Variants in BCAT1 observed in about 807,000 individuals in gnomAD.
BCAT1 encodes the protein branched chain amino acid transaminase 1, also known as branched-chain-amino-acid aminotransferase, cytosolic.
In BCAT1, 48 loss-of-function variants were observed where a neutral mutation model predicts 52.4. The observed-to-expected ratio is 0.92, with a 90% confidence interval of 0.73 to 1.16. The LOEUF is 1.16. Among genes scored for constraint, BCAT1 ranks in the 50% most tolerant of loss-of-function variants. The pLI is 0.00. For missense variants in BCAT1, 451 were observed against 457.1 expected, an observed-to-expected ratio of 0.99 and a Z score of 0.12; for synonymous variants, 167 against 161.3, an observed-to-expected ratio of 1.04 and a Z score of -0.27.
chr12:24,935,990 T>A (rs1471323870), intron 1 of BCAT1, among the ~76,000 whole-genome samples: 1 of 152,212 alleles, frequency 6.6e-6, no homozygotes, highest in Non-Finnish European at 1.5e-5. Context: ...CACTTCCAAG[T>A]CCTCACCAGC....
intron 4 of BCAT1, among the ~76,000 whole-genome samples, chr12:24,879,457 CAT>C (rs1373346054): frequency 6.6e-6 from 1 of 152,110 alleles, no homozygotes; most frequent in Non-Finnish European, 1.5e-5. Flanking sequence ...AGTAGAGAAA[CAT>C]ACTTTCAGAG....
At chr12:24,943,719 T>G (rs1469070281) in intron 1 of BCAT1, among the ~76,000 whole-genome samples, 2 of 152,016 alleles carry the variant, frequency 1.3e-5, no homozygotes, top group Non-Finnish European at 2.9e-5. Context: ...GAGCGGTGGC[T>G]CACGCCTGTA....
At chr12:24,941,999 C>G (rs549382290) in intron 1 of BCAT1, among the ~76,000 whole-genome samples, 6 of 152,276 alleles carry the variant, frequency 3.9e-5, no homozygotes, top group Admixed American at 3.3e-4. Flanking sequence ...AGATTTTAAA[C>G]GGTCTCATGC....
intron 1 of BCAT1, among the ~76,000 whole-genome samples, chr12:24,937,196 C>T (rs553752581): frequency 4.6e-5 from 7 of 152,272 alleles, no homozygotes; most frequent in Non-Finnish European, 5.9e-5. Context: ...ACATGGGAGT[C>T]CCAAGGGTCT....
At chr12:24,899,251 G>A (rs1293265163) in intron 2 of BCAT1, among the ~76,000 whole-genome samples, 1 of 152,036 alleles carries the variant, frequency 6.6e-6, no homozygotes, top group East Asian at 1.9e-4. Context: ...GAAGAAATAC[G>A]AAAACTACCC....
At chr12:24,827,573 CT>C (rs1450185484) in intron 10 of BCAT1, among the ~76,000 whole-genome samples, 3 of 152,196 alleles carry the variant, frequency 2.0e-5, no homozygotes, top group African/African-American at 7.2e-5. Flanking sequence ...GGGCAAATCA[CT>C]TGAGGCTAGG....
intron 8 of BCAT1, chr12:24,834,421 G>A (rs1270650278): frequency 3.0e-6 from 3 of 984,774 alleles, no homozygotes; most frequent in Non-Finnish European, 3.6e-6. Context: ...ATCCTTTTAA[G>A]CTATGTGTTT....
rs1031822656 is a variant in BCAT1, at chr12:24,825,988, G to A, written c.1119+3835C>T. 3.9e-5 allele frequency among the ~76,000 whole-genome samples: 6 copies of A among 152,140 alleles called. No individual in the cohort carries two copies. The South Asian group carries it at 8.3e-4, about 21-fold the overall frequency. On this transcript the variant is annotated intron_variant, in intron 10 of 10. Transcript: ENST00000261192. ...GCACTTTGGGAGGCTGAGACAGGAG[G>A]ATCCCTTGAGTTCAGGAGTTCGAGA...
intron 5 of BCAT1, among the ~76,000 whole-genome samples, chr12:24,855,346 T>C (rs1276620041): frequency 6.6e-6 from 1 of 151,328 alleles, no homozygotes; most frequent in Non-Finnish European, 1.5e-5. Context: ...AGAAAAGGAA[T>C]TGAGGACTGA....
intron 5 of BCAT1, among the ~76,000 whole-genome samples, chr12:24,852,675 A>G (rs1941551575): frequency 6.6e-6 from 1 of 152,260 alleles, no homozygotes; most frequent in African/African-American, 2.4e-5. Flanking sequence ...ATTTGTAGAA[A>G]AAAGGTCTTG....
intron 1 of BCAT1, among the ~76,000 whole-genome samples, chr12:24,943,938 C>T (rs1441399065): frequency 6.6e-6 from 1 of 151,170 alleles, no homozygotes; most frequent in East Asian, 1.9e-4. Context: ...GAGCCGAGAT[C>T]GCACCACTGT....
At chr12:24,919,031 T>C (rs1004373937) in intron 1 of BCAT1, among the ~76,000 whole-genome samples, 2 of 152,198 alleles carry the variant, frequency 1.3e-5, no homozygotes, top group African/African-American at 4.8e-5. Context: ...AATAAATTGA[T>C]TGAATATATT....
At chr12:24,936,326 G>A (rs183586686) in intron 1 of BCAT1, among the ~76,000 whole-genome samples, 14 of 152,260 alleles carry the variant, frequency 9.2e-5, no homozygotes, top group East Asian at 1.9e-4. Context: ...TCTACCTCCC[G>A]GGTTCAAGTG....
chr12:24,884,496 TCAC>T (rs1169996606), intron 3 of BCAT1, among the ~76,000 whole-genome samples: 3 of 152,216 alleles, frequency 2.0e-5, no homozygotes, highest in Non-Finnish European at 4.4e-5. Flanking sequence ...TCAAATGTTC[TCAC>T]CACAAGAAAT....
intron 5 of BCAT1, among the ~76,000 whole-genome samples, chr12:24,861,815 T>C (rs897954861): frequency 1.3e-5 from 2 of 152,060 alleles, no homozygotes; most frequent in Non-Finnish European, 2.9e-5. Flanking sequence ...ACAAGACAGA[T>C]ACAGGTCACA....
intron 7 of BCAT1, among the ~76,000 whole-genome samples, chr12:24,840,281 C>T (rs981501475): frequency 2.0e-5 from 3 of 152,242 alleles, no homozygotes; most frequent in Admixed American, 1.3e-4. Context: ...GATGGTACCA[C>T]CTCTGAATGA....
intron 8 of BCAT1, chr12:24,834,264 A>C (rs1047153010): frequency 4.9e-5 from 48 of 984,972 alleles, no homozygotes; most frequent in Non-Finnish European, 5.7e-5. Flanking sequence ...TATGACTAAC[A>C]GTTGACTTTA....
intron 8 of BCAT1, chr12:24,834,121 C>G (rs527701614): frequency 2.0e-6 from 2 of 977,932 alleles, no homozygotes; most frequent in African/African-American, 3.5e-5. Context: ...CCACTGTGCA[C>G]GGCTTACCTA....
chr12:24,927,350 AAG>A (rs986097971), intron 1 of BCAT1, among the ~76,000 whole-genome samples: 8 of 152,150 alleles, frequency 5.3e-5, no homozygotes, highest in African/African-American at 1.9e-4. Flanking sequence ...ATCAAGTTAT[AAG>A]AGAGAAACAG....
Sources: allele counts gnomAD v4.1 joint callset (sites outside exome capture counted in the v4.1 genomes callset), GRCh38; gene constraint gnomAD v4.1.1; transcripts MANE v1.5; gene names NCBI Gene and HGNC (gene_info 2026-07-23, HGNC 2026-07-21).